SMARCAD1: variants seen among roughly 807,000 people sequenced by gnomAD.
SMARCAD1 encodes SWI/SNF-related matrix-associated actin-dependent regulator of chromatin subfamily A containing DEAD/H box 1.
A neutral mutation model predicts 127.1 loss-of-function variants in SMARCAD1; 25 were observed. That is an observed-to-expected ratio of 0.20 (90% confidence interval 0.14 to 0.27). The LOEUF (loss-of-function observed/expected upper bound fraction) is 0.27. SMARCAD1 is among the 10% of genes least tolerant of loss of function. SMARCAD1 has a pLI of 1.00. For synonymous variants in SMARCAD1, 400 were observed against 396.9 expected (o/e 1.01, Z -0.09); for missense variants, 807 against 1,206.0 (o/e 0.67, Z 4.90).
At chr4:94,279,919 C>T (rs1026653370) in intron 19 of SMARCAD1, among the ~76,000 whole-genome samples, 13 of 151,732 alleles carry the variant, frequency 8.6e-5, no homozygotes, top group Non-Finnish European at 1.5e-4. Flanking sequence ...GGCTGGAGTG[C>T]GATGGCATGA....
chr4:94,224,750 G>A (rs1361738175), intron 2 of SMARCAD1, among the ~76,000 whole-genome samples: 2 of 152,150 alleles, frequency 1.3e-5, no homozygotes, highest in Non-Finnish European at 2.9e-5. Flanking sequence ...TTGGATTTCA[G>A]ATCTACTTTC....
intron 14 of SMARCAD1, among the ~76,000 whole-genome samples, chr4:94,276,024 T>C (rs1346759853): frequency 6.6e-6 from 1 of 151,882 alleles, no homozygotes; most frequent in Non-Finnish European, 1.5e-5. Context: ...GTCTCGATCT[T>C]CTGACCTCGT....
At chr4:94,247,511 T>G (rs1332944551) in intron 6 of SMARCAD1, among the ~76,000 whole-genome samples, 1 of 152,226 alleles carries the variant, frequency 6.6e-6, no homozygotes, top group Non-Finnish European at 1.5e-5. Flanking sequence ...AGATATTTTA[T>G]GTATTTTTTT....
intron 2 of SMARCAD1, among the ~76,000 whole-genome samples, chr4:94,214,257 G>A (rs555099654): frequency 6.0e-4 from 81 of 134,238 alleles, no homozygotes; most frequent in African/African-American, 2.2e-3. Flanking sequence ...AAAATTGAGC[G>A]TTCTTTTGTT....
At chr4:94,253,196 A>T in intron 9 of SMARCAD1, 189 bp downstream of exon 9, 1 of 1,501,672 alleles carries the variant, frequency 6.7e-7, no homozygotes, top group Non-Finnish European at 8.9e-7. Context: ...TTTTGAATGA[A>T]TTAAGGGGTG....
Position 94,290,378 on chromosome 4 carries a change from T to TA in SMARCAD1, c.*845dup. 2.2e-6 allele frequency: 1 copy of TA among 454,516 alleles called. No homozygotes were observed. Among genetic ancestry groups the TA allele is most frequent in the South Asian group, 1.6e-5 (1 of 64,474 alleles). The allele number at this position is 454,516 out of a possible 1,614,324, so 28.2% of individuals were successfully genotyped here. A position where few individuals can be genotyped will look rare whatever the true frequency, so the allele number is the denominator to read the frequency against. ...TCTTCCTCTCTAAATAGTAGTTTATTACTGCCACATCTCCATGCATCAGCA... is the reference window on the plus strand; with the variant it reads ...TCTTCCTCTCTAAATAGTAGTTTATTAACTGCCACATCTCCATGCATCAGCA... On this transcript the variant is annotated 3_prime_UTR_variant, in exon 24 of 24. Transcript: ENST00000354268.
chr4:94,273,560 A>G, intron 11 of SMARCAD1, 57 bp from the exon 12 acceptor site: 1 of 1,238,236 alleles, frequency 8.1e-7, no homozygotes, highest in Non-Finnish European at 1.2e-6. Context: ...CTGTATTTTT[A>G]TGTATTTATT....
At chr4:94,225,526 C>T (rs1744855247) in intron 2 of SMARCAD1, among the ~76,000 whole-genome samples, 1 of 152,160 alleles carries the variant, frequency 6.6e-6, no homozygotes, top group South Asian at 2.1e-4. Flanking sequence ...TTAGAGGCCT[C>T]ATCTCCAAAT....
At chr4:94,280,450 A>G (rs978206272) in intron 19 of SMARCAD1, 142 bp from the exon 20 acceptor site, 10 of 698,888 alleles carry the variant, frequency 1.4e-5, no homozygotes, top group Admixed American at 5.7e-5. Flanking sequence ...GATTAATACT[A>G]ATTTTCCTTG....
At chr4:94,222,020 G>A (rs1389562695) in intron 2 of SMARCAD1, among the ~76,000 whole-genome samples, 15 of 152,136 alleles carry the variant, frequency 9.9e-5, no homozygotes, top group African/African-American at 3.4e-4. Flanking sequence ...TGTTACTTTG[G>A]TAAGTATATT....
At chr4:94,228,907 T>A (rs1341226063) in intron 3 of SMARCAD1, among the ~76,000 whole-genome samples, 1 of 152,180 alleles carries the variant, frequency 6.6e-6, no homozygotes, top group Non-Finnish European at 1.5e-5. Flanking sequence ...CCAGGTTTTT[T>A]TAGAATTTTT....
At chr4:94,276,120 G>A (rs1474316611) in intron 14 of SMARCAD1, among the ~76,000 whole-genome samples, 1 of 151,996 alleles carries the variant, frequency 6.6e-6, no homozygotes, top group East Asian at 1.9e-4. Flanking sequence ...TTTCAATTAT[G>A]TATTGCAGCT....
chr4:94,272,419 A>G (rs746083531), intron 11 of SMARCAD1, among the ~76,000 whole-genome samples: 3 of 152,232 alleles, frequency 2.0e-5, no homozygotes, highest in Non-Finnish European at 2.9e-5. Flanking sequence ...AGTAAAATGT[A>G]CAAATATACA....
intron 2 of SMARCAD1, among the ~76,000 whole-genome samples, chr4:94,215,780 T>G (rs1743074806): frequency 6.6e-6 from 1 of 152,230 alleles, no homozygotes; most frequent in African/African-American, 2.4e-5. Flanking sequence ...TTATTATCTT[T>G]AATAAGCTAA....
At position 94,276,483 on chromosome 4, in the gene SMARCAD1, A is replaced by G. The variant is rs764324755; in HGVS notation, c.1944+9A>G. On this transcript the variant is annotated intron_variant, in intron 15 of 23. Coordinates refer to ENST00000354268, the MANE Select transcript of SMARCAD1 (RefSeq NM_020159.5). The stretch of plus-strand genomic sequence containing the variant: ...ACCTTATGACAATTAATGTAAGAGA[A>G]TGTTTGTAAAGTTTTCCAAATTACT... 6.2e-7 allele frequency: 1 copy of G among 1,613,992 alleles called. No individual in the cohort carries two copies. The highest frequency in any genetic ancestry group is 1.7e-5 in the Admixed American group (1 of 60,028).
chr4:94,249,855 T>C (rs1158354134), intron 7 of SMARCAD1, 100 bp downstream of exon 7: 1 of 718,768 alleles, frequency 1.4e-6, no homozygotes, highest in Non-Finnish European at 2.5e-6. Context: ...GGGTGAGTTT[T>C]GTATTCTTCT....
chr4:94,270,740 G>C lies in SMARCAD1; in HGVS notation c.1494G>C (p.Lys498Asn). ...CTCTCTTTACCAGTTTGTCACTCAA[G>C]CCCTATCAGAAGGTTGGTTTGAATT... ...PSILNQSLSL[K>N]PYQKVGLNWL... The change falls in exon 11 of 24, where the codon AAG (lysine) becomes AAC (asparagine). Residue 498 changes from lysine to asparagine, a missense_variant. By Grantham distance (94) the Lys-to-Asn change is moderately conservative. Coordinates refer to ENST00000354268, the MANE Select transcript of SMARCAD1 (RefSeq NM_020159.5). 1 of 1,613,304 alleles carries C rather than the reference G, an allele frequency of 6.2e-7. No homozygotes were observed. Among genetic ancestry groups the C allele is most frequent in the Non-Finnish European group, 8.5e-7 (1 of 1,179,444 alleles).
chr4:94,234,362 G>T (rs1282413856), intron 4 of SMARCAD1, among the ~76,000 whole-genome samples: 1 of 152,162 alleles, frequency 6.6e-6, no homozygotes, highest in Non-Finnish European at 1.5e-5. Context: ...AACATAGGTT[G>T]TGAGTTTTTT....
At chr4:94,213,104 G>A in intron 2 of SMARCAD1, 2 of 1,287,556 alleles carry the variant, frequency 1.6e-6, no homozygotes, top group Non-Finnish European at 2.0e-6. Flanking sequence ...TATGAATAAA[G>A]AATAAAAATG....
Sources: gnomAD v4.1 joint callset for allele counts (sites outside exome capture counted in the v4.1 genomes callset) on GRCh38, gnomAD v4.1.1 for gene constraint, MANE v1.5 for transcripts, NCBI Gene and HGNC (gene_info 2026-07-23, HGNC 2026-07-21) for gene names.